The following NAV3 variants were observed in gnomAD, a reference collection of about 807,000 sequenced individuals.
NAV3 encodes the protein neuron navigator 3.
Under a neutral mutation model 244.7 loss-of-function variants are expected in NAV3, and 87 were observed. The ratio of observed to expected loss-of-function variants is 0.36; its 90% CI spans 0.30 to 0.42. The LOEUF is 0.42. NAV3 is among the 20% of genes least tolerant of loss of function. The probability of loss-of-function intolerance (pLI) is 1.00; values close to 1 mark genes in which losing one functional copy is unlikely to be tolerated. For missense variants in NAV3, 2,663 were observed against 2,893.3 expected (o/e 0.92, Z 1.83); for synonymous variants, 1,126 against 1,042.2 (o/e 1.08, Z -1.55).
At chr12:77,847,358 T>C (rs1876813376) in intron 1 of NAV3, among the ~76,000 whole-genome samples, 1 of 152,216 alleles carries the variant, frequency 6.6e-6, no homozygotes, top group Non-Finnish European at 1.5e-5. Flanking sequence ...CATTTTAAAT[T>C]CAGGGGAGGA....
At chr12:78,173,066 C>T (rs1958070625) in intron 24 of NAV3, among the ~76,000 whole-genome samples, 1 of 151,488 alleles carries the variant, frequency 6.6e-6, no homozygotes, top group Admixed American at 6.6e-5. Flanking sequence ...CAAACACATA[C>T]CTGAAAATTT....
chr12:77,596,708 T>C (rs1870184261), intron 2 of NAV3, among the ~76,000 whole-genome samples: 1 of 152,118 alleles, frequency 6.6e-6, no homozygotes, highest in Non-Finnish European at 1.5e-5. Context: ...ATCAATTAAA[T>C]GAAAGAAGTT....
chr12:77,882,751 CTA>C (rs1230735035), intron 1 of NAV3, among the ~76,000 whole-genome samples: 1 of 152,000 alleles, frequency 6.6e-6, no homozygotes. Context: ...ACAAGTAACT[CTA>C]TTAAAAATGA....
chr12:77,922,521 T>C (rs990058428), intron 1 of NAV3, among the ~76,000 whole-genome samples: 3 of 152,072 alleles, frequency 2.0e-5, no homozygotes, highest in African/African-American at 7.2e-5. Flanking sequence ...CCTACAGAGG[T>C]GTTGCTCAGA....
chr12:77,807,518 G>A (rs1203917746), intron 2 of NAV3, among the ~76,000 whole-genome samples: 1 of 152,150 alleles, frequency 6.6e-6, no homozygotes, highest in East Asian at 1.9e-4. Flanking sequence ...CTCTCTTCTG[G>A]CTTGAAGGGT....
At chr12:78,133,900 A>G (rs1956268219) in intron 18 of NAV3, among the ~76,000 whole-genome samples, 1 of 152,210 alleles carries the variant, frequency 6.6e-6, no homozygotes, top group Non-Finnish European at 1.5e-5. Flanking sequence ...GGAGACACAC[A>G]AGAATTTCTA....
At chr12:77,916,543 A>G (rs2137111865) in intron 1 of NAV3, among the ~76,000 whole-genome samples, 1 of 152,072 alleles carries the variant, frequency 6.6e-6, no homozygotes, top group African/African-American at 2.4e-5. Flanking sequence ...ATTTTACTGT[A>G]CATTTTCAAC....
chr12:77,842,697 G>A (rs1299091590), intron 1 of NAV3, among the ~76,000 whole-genome samples: 1 of 151,888 alleles, frequency 6.6e-6, no homozygotes, highest in African/African-American at 2.4e-5. Context: ...ATGTGTGAAT[G>A]GATCACTGGA....
At chr12:77,964,261 G>A (rs1019497293) in intron 3 of NAV3, among the ~76,000 whole-genome samples, 1 of 152,038 alleles carries the variant, frequency 6.6e-6, no homozygotes, top group Non-Finnish European at 1.5e-5. Flanking sequence ...GAGCTAATCT[G>A]TTCATGTATA....
At chr12:78,104,064 C>G (rs1954678337) in intron 12 of NAV3, among the ~76,000 whole-genome samples, 1 of 152,118 alleles carries the variant, frequency 6.6e-6, no homozygotes, top group Non-Finnish European at 1.5e-5. Flanking sequence ...AATTAGAGAG[C>G]AGAATACATC....
At chr12:77,943,358 G>A (rs762600398) in intron 3 of NAV3, among the ~76,000 whole-genome samples, 4 of 152,128 alleles carry the variant, frequency 2.6e-5, no homozygotes, top group Non-Finnish European at 5.9e-5. Flanking sequence ...CAGCCAAAAA[G>A]CATTAGTTGG....
chr12:78,052,746 C>T (rs1024096727), intron 11 of NAV3, among the ~76,000 whole-genome samples: 1 of 152,126 alleles, frequency 6.6e-6, no homozygotes, highest in African/African-American at 2.4e-5. Flanking sequence ...AAGGCACACT[C>T]TTTCTCCCAT....
intron 1 of NAV3, among the ~76,000 whole-genome samples, chr12:77,900,075 ATT>A (rs201444499): frequency 0.094 from 11,911 of 127,034 alleles, 584 homozygotes; most frequent in East Asian, 0.2. Context: ...ATTGTTCTCA[ATT>A]TTTTTTTTTT....
In NAV3 at chr12:78,007,419, C is replaced by T. The variant is rs746896622; in HGVS notation, c.1881C>T (p.Thr627=). 2.2e-5 allele frequency: 35 copies of T among 1,613,824 alleles called. No homozygotes were observed. Among genetic ancestry groups the T allele is most frequent in the East Asian group, 2.2e-5 (1 of 44,874 alleles). ...PQQQQHSHPN[T]ATVAPFIYRA... ...AGCAGCAACATAGCCACCCGAATAC[C>T]GCGACAGTGGCACCATTCATTTACA... is the stretch of plus-strand genomic sequence containing the variant. The change falls in exon 8 of 40, where the codon ACC becomes ACT. Residue 627 remains threonine (T), a synonymous_variant. Transcript: ENST00000397909.
chr12:77,966,316 G>T lies in NAV3; in HGVS notation c.487+15G>T. On this transcript the variant is annotated intron_variant, in intron 4 of 39. Coordinates refer to ENST00000397909, the MANE Select transcript of NAV3 (RefSeq NM_001024383.2). ...ATCTGCTGAAGGTAAGAAAAAGAAT[G>T]ACTGAATTGTCACAAATGGCATCAA... is the stretch of plus-strand genomic sequence containing the variant. 2 of 1,597,388 alleles carry T rather than the reference G, an allele frequency of 1.3e-6. No homozygotes were observed. The highest frequency in any genetic ancestry group is 1.7e-6 in the Non-Finnish European group (2 of 1,169,368).
intron 1 of NAV3, among the ~76,000 whole-genome samples, chr12:77,880,102 A>G (rs533159404): frequency 6.6e-6 from 1 of 152,198 alleles, no homozygotes; most frequent in Admixed American, 6.5e-5. Flanking sequence ...TTCATGCTTC[A>G]ACAATAGGTG....
chr12:77,929,283 A>T (rs1156780483), intron 1 of NAV3, among the ~76,000 whole-genome samples: 2 of 152,058 alleles, frequency 1.3e-5, no homozygotes, highest in Non-Finnish European at 2.9e-5. Flanking sequence ...TTTTCTTAAA[A>T]CCTAAAAACC....
chr12:77,676,084 T>A (rs116384922), intron 2 of NAV3, among the ~76,000 whole-genome samples: 5,877 of 152,114 alleles, frequency 0.039, 232 homozygotes, highest in African/African-American at 0.1. Flanking sequence ...CTTTTTTTTT[T>A]AAATTTTTTT....
At chr12:78,082,561 C>CA (rs1953413833) in intron 12 of NAV3, among the ~76,000 whole-genome samples, 2 of 151,938 alleles carry the variant, frequency 1.3e-5, no homozygotes, top group African/African-American at 4.8e-5. Flanking sequence ...TATTGTTAAA[C>CA]AAAATCACTG....
Sources: gnomAD v4.1 joint callset for allele counts (sites outside exome capture counted in the v4.1 genomes callset) on GRCh38, gnomAD v4.1.1 for gene constraint, MANE v1.5 for transcripts, NCBI Gene and HGNC (gene_info 2026-07-23, HGNC 2026-07-21) for gene names.